The following ABTB3 variants were observed in gnomAD, a reference collection of about 807,000 sequenced individuals.
ABTB3 encodes ankyrin repeat and BTB domain containing 3.
chr12:107,636,145 G>A, the ABTB3 span, among the ~76,000 whole-genome samples: 18 of 152,180 alleles, frequency 1.2e-4, no homozygotes, highest in East Asian at 2.1e-3. Flanking sequence ...AGGTGTGCCC[G>A]GAAGCTGTAA....
At chr12:107,515,624 G>A in the ABTB3 span, among the ~76,000 whole-genome samples, 12 of 152,192 alleles carry the variant, frequency 7.9e-5, no homozygotes, top group African/African-American at 2.9e-4. Context: ...CTGACTTAAT[G>A]TCTTGGCAGG....
At chr12:107,378,316 A>G in the ABTB3 span, among the ~76,000 whole-genome samples, 1 of 137,954 alleles carries the variant, frequency 7.2e-6, no homozygotes, top group East Asian at 2.1e-4. Flanking sequence ...TACTTTGCAC[A>G]TCATTTGGCA....
chr12:107,608,937 TAAAATA>T, the ABTB3 span, among the ~76,000 whole-genome samples: 1 of 85,504 alleles, frequency 1.2e-5, no homozygotes, highest in Non-Finnish European at 2.2e-5. Flanking sequence ...TAAAATAAAA[TAAAATA>T]AATAAAATAA....
chr12:107,625,611 C>G, the ABTB3 span, among the ~76,000 whole-genome samples: 1 of 152,102 alleles, frequency 6.6e-6, no homozygotes, highest in Non-Finnish European at 1.5e-5. Flanking sequence ...GTAGTCTTCT[C>G]TGACATGTGG....
At chr12:107,570,374 CAGCTAATTTTTTGTATTTTTAGTGG>C in the ABTB3 span, among the ~76,000 whole-genome samples, 1 of 152,250 alleles carries the variant, frequency 6.6e-6, no homozygotes, top group South Asian at 2.1e-4. Context: ...CCACCACACC[CAGCTAATTTTTTGTATTTTTAGTGG>C]AGATGGTGTT....
chr12:107,612,907 AG>A, the ABTB3 span: 4 of 1,589,352 alleles, frequency 2.5e-6, no homozygotes, highest in East Asian at 9.0e-5. Context: ...CTCGGCCGGC[AG>A]TCCCCAGGGG....
chr12:107,399,765 AC>A, the ABTB3 span, among the ~76,000 whole-genome samples: 1 of 152,104 alleles, frequency 6.6e-6, no homozygotes, highest in Non-Finnish European at 1.5e-5. Context: ...GGTTTGCTGC[AC>A]CTATCAACCT....
the ABTB3 span, among the ~76,000 whole-genome samples, chr12:107,480,106 A>G: frequency 6.6e-6 from 1 of 152,336 alleles, no homozygotes; most frequent in South Asian, 2.1e-4. Flanking sequence ...CTTAAAAAGG[A>G]TGGACAGTAG....
the ABTB3 span, among the ~76,000 whole-genome samples, chr12:107,522,930 A>G: frequency 1.3e-5 from 2 of 152,124 alleles, no homozygotes; most frequent in Non-Finnish European, 2.9e-5. Flanking sequence ...CATACCCCCT[A>G]ATTCAGGGCT....
At chr12:107,612,762 G>GT in the ABTB3 span, 6 of 1,606,224 alleles carry the variant, frequency 3.7e-6, 1 homozygote, top group South Asian at 6.7e-5. Flanking sequence ...CCGTTCTCTG[G>GT]TTTTTAACTC....
At chr12:107,435,252 G>T in the ABTB3 span, among the ~76,000 whole-genome samples, 1 of 152,200 alleles carries the variant, frequency 6.6e-6, no homozygotes, top group African/African-American at 2.4e-5. Flanking sequence ...TGCAGCTTAC[G>T]CTGACACTGA....
the ABTB3 span, among the ~76,000 whole-genome samples, chr12:107,625,454 T>C: frequency 1.3e-5 from 2 of 152,210 alleles, no homozygotes; most frequent in African/African-American, 4.8e-5. Flanking sequence ...TCTCTGATAC[T>C]GCTCTGACAG....
At chr12:107,587,014 G>T in the ABTB3 span, among the ~76,000 whole-genome samples, 1 of 152,198 alleles carries the variant, frequency 6.6e-6, no homozygotes, top group Admixed American at 6.5e-5. Flanking sequence ...AGTCCACACA[G>T]TGGAAACCAC....
chr12:107,365,136 A>T, the ABTB3 span, among the ~76,000 whole-genome samples: 2 of 152,246 alleles, frequency 1.3e-5, no homozygotes, highest in African/African-American at 4.8e-5. Flanking sequence ...AACCTTTCTT[A>T]GACTCGGTGA....
At chr12:107,430,153 A>G in the ABTB3 span, among the ~76,000 whole-genome samples, 3 of 152,332 alleles carry the variant, frequency 2.0e-5, no homozygotes, top group East Asian at 5.8e-4. Flanking sequence ...TGCAATAAGT[A>G]TTATTCACCT....
chr12:107,602,269 C>G, the ABTB3 span, among the ~76,000 whole-genome samples: 1 of 152,184 alleles, frequency 6.6e-6, no homozygotes, highest in African/African-American at 2.4e-5. Context: ...CCAGGCTTTC[C>G]CCACTGGGTA....
At chr12:107,656,153 T>C in the ABTB3 span, among the ~76,000 whole-genome samples, 2 of 126,176 alleles carry the variant, frequency 1.6e-5, no homozygotes, top group Non-Finnish European at 3.4e-5. Context: ...AAAAAAAAAA[T>C]AGCCGGACAT....
chr12:107,349,476 T>G, the ABTB3 span, among the ~76,000 whole-genome samples: 1 of 152,220 alleles, frequency 6.6e-6, no homozygotes, highest in Non-Finnish European at 1.5e-5. Flanking sequence ...CCCCAGACAT[T>G]GAGCATGCAG....
At chr12:107,444,396 C>T in the ABTB3 span, among the ~76,000 whole-genome samples, 2 of 152,150 alleles carry the variant, frequency 1.3e-5, no homozygotes, top group Non-Finnish European at 2.9e-5. Flanking sequence ...GGGACACTGG[C>T]CTGTTTTAAC....
Sources: gnomAD v4.1 joint callset for allele counts (sites outside exome capture counted in the v4.1 genomes callset) on GRCh38, gnomAD v4.1.1 for gene constraint, MANE v1.5 for transcripts, NCBI Gene and HGNC (gene_info 2026-07-23, HGNC 2026-07-21) for gene names.